Variants in MOV10L1 observed in about 807,000 individuals in gnomAD.
MOV10L1 encodes the protein RNA helicase Mov10l1.
MOV10L1 carries 110 observed loss-of-function variants against 143.8 expected under a neutral mutation model. The observed-to-expected ratio is 0.76, with a 90% CI of 0.66 to 0.90. The LOEUF is 0.90. MOV10L1 is among the 40% of genes least tolerant of loss of function. MOV10L1 has a pLI of 0.00. For synonymous variants in MOV10L1, 593 were observed against 581.1 expected (o/e 1.02, Z -0.29); for missense variants, 1,406 against 1,526.8 (o/e 0.92, Z 1.32).
At chr22:50,101,407 G>T (rs922327051) in intron 3 of MOV10L1, among the ~76,000 whole-genome samples, 1 of 151,952 alleles carries the variant, frequency 6.6e-6, no homozygotes, top group African/African-American at 2.4e-5. Flanking sequence ...AGTAGAGACG[G>T]GGTTTCAATG....
chr22:50,156,574 G>A (rs1415679413), intron 22 of MOV10L1, among the ~76,000 whole-genome samples: 1 of 152,230 alleles, frequency 6.6e-6, no homozygotes, highest in Non-Finnish European at 1.5e-5. Context: ...CTGACTGTAT[G>A]AATTCAGGTG....
intron 17 of MOV10L1, 21 bp from the exon 18 acceptor site, chr22:50,144,076 T>C: frequency 2.5e-6 from 4 of 1,597,094 alleles, no homozygotes; most frequent in Non-Finnish European, 3.4e-6. Flanking sequence ...AGCCTTGGTC[T>C]CTTGTGTGTC....
In MOV10L1 at chr22:50,113,727, C is replaced by T. The variant is rs779726286; in HGVS notation, c.823C>T (p.Gln275Ter). ...LKNKGDIEVTQVTHFGTLKEG... is the reference protein window; with the variant it reads ...LKNKGDIEVT Reference sequence around the variant, plus strand: ...GAACAAAGGTGATATTGAAGTTACACAGGTGACGCATTTTGGAACCCTAAA... The same window carrying T: ...GAACAAAGGTGATATTGAAGTTACATAGGTGACGCATTTTGGAACCCTAAA... The change falls in exon 6 of 27, where the codon CAG (glutamine) becomes TAG (stop). Residue 275 changes from glutamine (Q) to a stop codon, truncating the protein, a stop_gained. Coordinates refer to ENST00000262794, the MANE Select transcript of MOV10L1 (RefSeq NM_018995.3). LOFTEE classifies it high-confidence loss of function. 48 of 1,613,982 alleles carry T rather than the reference C, an allele frequency of 3.0e-5. No individual in the cohort carries two copies. Among genetic ancestry groups the T allele is most frequent in the Non-Finnish European group, 3.6e-5 (42 of 1,180,024 alleles).
intron 3 of MOV10L1, among the ~76,000 whole-genome samples, chr22:50,107,756 T>G (rs9617073): frequency 0.22 from 34,119 of 152,054 alleles, 4,190 homozygotes; most frequent in Admixed American, 0.35. Context: ...ACACCTGAGT[T>G]CAGGTGTCTC....
intron 10 of MOV10L1, among the ~76,000 whole-genome samples, chr22:50,123,958 AT>A (rs1371273598): frequency 6.6e-6 from 1 of 151,918 alleles, no homozygotes; most frequent in Admixed American, 6.6e-5. Context: ...AATCCTTTTT[AT>A]TTCCGTAGAT....
At chr22:50,117,066 C>G (rs1343894454) in intron 8 of MOV10L1, 91 bp from the exon 9 acceptor site, 2 of 1,170,600 alleles carry the variant, frequency 1.7e-6, no homozygotes, top group Admixed American at 2.3e-5. Context: ...AGTCTTAACT[C>G]TGTCACTTTT....
At chr22:50,103,277 A>T (rs572777401) in intron 3 of MOV10L1, among the ~76,000 whole-genome samples, 28 of 152,334 alleles carry the variant, frequency 1.8e-4, no homozygotes, top group African/African-American at 6.5e-4. Flanking sequence ...CCTGCTCCTG[A>T]GGTTTGTAGA....
chr22:50,114,700 C>CG lies in MOV10L1; in HGVS notation c.1126+81dup, dbSNP rs1210974934. The CG allele has an allele frequency of 1.2e-5, 19 of 1,567,172 alleles. No individual in the cohort carries two copies. In the African/African-American group the frequency reaches 2.6e-4, roughly 21 times the overall value. On this transcript the variant is annotated intron_variant, in intron 7 of 26. Transcript: ENST00000262794. Reference sequence around the variant, plus strand: ...GGGGTTGTGAGTTCTGGACAGAGGGCGGGCAGCAGGGGCCAGGACACCCGG... The same window carrying CG: ...GGGGTTGTGAGTTCTGGACAGAGGGCGGGGCAGCAGGGGCCAGGACACCCGG...
chr22:50,098,474 A>G (rs772448769), intron 2 of MOV10L1, among the ~76,000 whole-genome samples: 2 of 152,198 alleles, frequency 1.3e-5, no homozygotes, highest in African/African-American at 4.8e-5. Flanking sequence ...TATTAACCTA[A>G]CAGTGCTGTT....
At chr22:50,133,007 C>T (rs2062718379) in intron 13 of MOV10L1, among the ~76,000 whole-genome samples, 2 of 151,890 alleles carry the variant, frequency 1.3e-5, no homozygotes, top group South Asian at 2.1e-4. Flanking sequence ...CTCATTCCAG[C>T]CTGGGCGACA....
At position 50,114,264 on chromosome 22, in the gene MOV10L1, T is replaced by C. The variant is rs1189983351; in HGVS notation, c.885-117T>C. 18 of 1,253,998 alleles carry C rather than the reference T, an allele frequency of 1.4e-5. 1 individual carries two copies. In the South Asian group the frequency reaches 1.5e-4, roughly 10 times the overall value. The allele number at this position is 1,253,998 out of a possible 1,614,324, so 77.7% of individuals were successfully genotyped here. A position where few individuals can be genotyped will look rare whatever the true frequency, so the allele number is the denominator to read the frequency against. ...TACCCAAAAATGACCTTTTGACTTA[T>C]ATTCATAAGTGTATTTGCAGTCACC... On this transcript the variant is annotated intron_variant, in intron 6 of 26. Transcript: ENST00000262794.
At chr22:50,090,444 T>TAA in intron 1 of MOV10L1, 4 of 1,602,426 alleles carry the variant, frequency 2.5e-6, no homozygotes, top group Middle Eastern at 3.3e-4. Flanking sequence ...ACTTTGTGTG[T>TAA]TTACGCCGAG....
At chr22:50,122,589 T>C (rs910693456) in intron 10 of MOV10L1, among the ~76,000 whole-genome samples, 11 of 152,196 alleles carry the variant, frequency 7.2e-5, no homozygotes, top group South Asian at 2.1e-4. Flanking sequence ...CCATGATGAA[T>C]AGCAGTGGTG....
At chr22:50,108,867 A>G in intron 5 of MOV10L1, 23 bp downstream of exon 5, 2 of 1,611,356 alleles carry the variant, frequency 1.2e-6, no homozygotes, top group Non-Finnish European at 1.7e-6. Flanking sequence ...TTTTCTGGCC[A>G]GGTGCGGTGG....
intron 2 of MOV10L1, 75 bp from the exon 3 acceptor site, chr22:50,099,368 C>T (rs2062677524): frequency 1.3e-6 from 2 of 1,534,066 alleles, no homozygotes; most frequent in African/African-American, 1.4e-5. Context: ...TGGTCTCAGA[C>T]AGGCATGCCA....
At chr22:50,098,246 T>A (rs552923370) in intron 2 of MOV10L1, among the ~76,000 whole-genome samples, 7 of 141,262 alleles carry the variant, frequency 5.0e-5, no homozygotes, top group African/African-American at 1.8e-4. Flanking sequence ...TAATAATAAT[T>A]ATTAAGATTA....
At chr22:50,161,331 C>G in intron 26 of MOV10L1, 37 bp from the exon 27 acceptor site, 2 of 1,503,948 alleles carry the variant, frequency 1.3e-6, no homozygotes, top group East Asian at 2.4e-5. Flanking sequence ...CTGTGGGAGC[C>G]TGGCTCACTG....
chr22:50,153,304 A>C (rs1602356312), intron 22 of MOV10L1, 86 bp downstream of exon 22: 8 of 1,433,798 alleles, frequency 5.6e-6, no homozygotes. Context: ...AGGCTCTGTC[A>C]CCTGCCTGTG....
intron 2 of MOV10L1, among the ~76,000 whole-genome samples, chr22:50,097,314 G>T (rs2062614472): frequency 6.6e-6 from 1 of 152,020 alleles, no homozygotes; most frequent in Non-Finnish European, 1.5e-5. Flanking sequence ...TCTCTATGTT[G>T]CCCAGGCTGG....
Sources: gnomAD v4.1 joint callset for allele counts (sites outside exome capture counted in the v4.1 genomes callset) on GRCh38, gnomAD v4.1.1 for gene constraint, MANE v1.5 for transcripts, NCBI Gene and HGNC (gene_info 2026-07-23, HGNC 2026-07-21) for gene names.